The following DYNC1I1 variants were observed in gnomAD, a reference collection of about 807,000 sequenced individuals.
DYNC1I1 encodes the protein cytoplasmic dynein 1 intermediate chain 1.
A neutral mutation model predicts 86.6 loss-of-function variants in DYNC1I1; 43 were observed. The ratio of observed to expected loss-of-function variants is 0.50; its 90% CI spans 0.39 to 0.64. The LOEUF is 0.64. DYNC1I1 is among the 30% of genes least tolerant of loss of function. The probability of loss-of-function intolerance (pLI) is 0.00; values close to 1 mark genes in which losing one functional copy is unlikely to be tolerated. For missense variants in DYNC1I1, 604 were observed against 788.8 expected (o/e 0.77, Z 2.81); for synonymous variants, 262 against 283.7 (o/e 0.92, Z 0.77).
At chr7:96,001,918 T>C (rs1794021517) in intron 10 of DYNC1I1, among the ~76,000 whole-genome samples, 1 of 152,218 alleles carries the variant, frequency 6.6e-6, no homozygotes, top group African/African-American at 2.4e-5. Context: ...GATAAAAGTA[T>C]TCTCTTTACA....
downstream of DYNC1I1, among the ~76,000 whole-genome samples, chr7:96,099,721 A>G (rs1453575902): frequency 2.0e-5 from 3 of 152,168 alleles, no homozygotes; most frequent in African/African-American, 7.2e-5. Context: ...TGACCCAGTT[A>G]TCTCCCAAAG....
chr7:95,960,970 A>G (rs1040826217), intron 6 of DYNC1I1, among the ~76,000 whole-genome samples: 7 of 152,216 alleles, frequency 4.6e-5, no homozygotes, highest in African/African-American at 9.6e-5. Context: ...TGAGGATTTG[A>G]TGGGTCACAG....
chr7:95,998,193 A>G (rs911962116), intron 10 of DYNC1I1, among the ~76,000 whole-genome samples: 2 of 152,240 alleles, frequency 1.3e-5, no homozygotes, highest in African/African-American at 4.8e-5. Context: ...GAGATTTTAT[A>G]CTTTAGAGGT....
chr7:95,920,359 C>CA, intron 6 of DYNC1I1, among the ~76,000 whole-genome samples: 1 of 152,212 alleles, frequency 6.6e-6, no homozygotes, highest in East Asian at 1.9e-4. Context: ...TCAAGGTTAT[C>CA]AAAAACAAGG....
At chr7:95,794,479 G>A (rs1298547139) in intron 1 of DYNC1I1, among the ~76,000 whole-genome samples, 2 of 152,140 alleles carry the variant, frequency 1.3e-5, no homozygotes, top group Non-Finnish European at 2.9e-5. Context: ...ATGCACCATA[G>A]GGGTCAGAAA....
At chr7:96,062,990 C>T (rs1015379794) in intron 14 of DYNC1I1, among the ~76,000 whole-genome samples, 13 of 151,792 alleles carry the variant, frequency 8.6e-5, no homozygotes, top group African/African-American at 1.9e-4. Context: ...ATATTTGTCC[C>T]GGTGGTATCA....
chr7:95,936,430 C>CATAGATAGT (rs1792041846), intron 6 of DYNC1I1, among the ~76,000 whole-genome samples: 1 of 151,648 alleles, frequency 6.6e-6, no homozygotes, highest in African/African-American at 2.4e-5. Flanking sequence ...GGAAGTTGGC[C>CATAGATAGT]ATAGATAGTG....
intron 5 of DYNC1I1, among the ~76,000 whole-genome samples, chr7:95,859,639 G>C (rs2116113403): frequency 6.6e-6 from 1 of 152,314 alleles, no homozygotes; most frequent in Non-Finnish European, 1.5e-5. Context: ...ACTGAGAGCT[G>C]TCTGGAATCT....
At chr7:95,858,080 A>G (rs950689926) in intron 5 of DYNC1I1, among the ~76,000 whole-genome samples, 5 of 152,174 alleles carry the variant, frequency 3.3e-5, no homozygotes, top group Admixed American at 1.3e-4. Context: ...GTTGCCTTCA[A>G]TGAAGTAGAT....
chr7:95,862,812 C>G (rs1392650409), intron 5 of DYNC1I1, among the ~76,000 whole-genome samples: 2 of 152,174 alleles, frequency 1.3e-5, no homozygotes, highest in Admixed American at 1.3e-4. Context: ...GTTACTAAAA[C>G]CTGAGTATGC....
At chr7:95,805,043 T>C (rs570188274) in intron 2 of DYNC1I1, among the ~76,000 whole-genome samples, 1 of 152,282 alleles carries the variant, frequency 6.6e-6, no homozygotes, top group South Asian at 2.1e-4. Context: ...TAACATTTGG[T>C]CCAGAGGCTC....
chr7:95,850,477 T>C (rs1468154651), intron 5 of DYNC1I1, among the ~76,000 whole-genome samples: 1 of 152,174 alleles, frequency 6.6e-6, no homozygotes, highest in Non-Finnish European at 1.5e-5. Flanking sequence ...AAAGTTTTTG[T>C]ACATTTATAG....
chr7:95,888,098 C>A (rs1381346828), intron 6 of DYNC1I1, among the ~76,000 whole-genome samples: 3 of 152,046 alleles, frequency 2.0e-5, no homozygotes, highest in Admixed American at 6.6e-5. Flanking sequence ...AAAGACTAAT[C>A]GAGAATAACA....
intron 9 of DYNC1I1, among the ~76,000 whole-genome samples, chr7:95,991,039 TAA>T (rs1190441667): frequency 1.3e-5 from 2 of 151,322 alleles, no homozygotes; most frequent in African/African-American, 4.9e-5. Flanking sequence ...TAAAATAAAA[TAA>T]AATAAAATAA....
intron 10 of DYNC1I1, among the ~76,000 whole-genome samples, chr7:96,007,362 A>G (rs1228733321): frequency 1.3e-5 from 2 of 152,218 alleles, no homozygotes; most frequent in African/African-American, 4.8e-5. Flanking sequence ...AATCTTGCCT[A>G]GCAATGGAAT....
intron 10 of DYNC1I1, among the ~76,000 whole-genome samples, chr7:96,027,265 A>C (rs1794704738): frequency 6.6e-6 from 1 of 152,212 alleles, no homozygotes; most frequent in Admixed American, 6.5e-5. Context: ...CATTTAATTT[A>C]ATTAAGGCAT....
At chr7:96,079,891 T>C (rs916700131) in intron 15 of DYNC1I1, among the ~76,000 whole-genome samples, 1 of 152,230 alleles carries the variant, frequency 6.6e-6, no homozygotes, top group Non-Finnish European at 1.5e-5. Context: ...TACATATGTT[T>C]ACTTTTTCCT....
intron 4 of DYNC1I1, among the ~76,000 whole-genome samples, chr7:95,821,656 T>C (rs1320595387): frequency 6.6e-6 from 1 of 152,198 alleles, no homozygotes; most frequent in East Asian, 1.9e-4. Flanking sequence ...GAGGTGGTTG[T>C]CGTCATCATT....
chr7:95,790,560 T>C (rs780971066), intron 1 of DYNC1I1, among the ~76,000 whole-genome samples: 143 of 152,222 alleles, frequency 9.4e-4, no homozygotes, highest in Non-Finnish European at 1.8e-3. Flanking sequence ...TACATGGACT[T>C]ATGGAATCTT....
Sources: gnomAD v4.1 joint callset for allele counts (sites outside exome capture counted in the v4.1 genomes callset) on GRCh38, gnomAD v4.1.1 for gene constraint, MANE v1.5 for transcripts, NCBI Gene and HGNC (gene_info 2026-07-23, HGNC 2026-07-21) for gene names.